Variants in ZNF438 observed in about 807,000 individuals in gnomAD.
The protein encoded by ZNF438 is zinc finger protein 438.
Under a neutral mutation model 38.0 loss-of-function variants are expected in ZNF438, and 25 were observed. The observed-to-expected ratio is 0.66, with a 90% CI of 0.48 to 0.92. The LOEUF (loss-of-function observed/expected upper bound fraction) is 0.92, where lower values mean the gene tolerates loss of function less well. Among genes scored for constraint, ZNF438 ranks in the 40% least tolerant of loss-of-function variants. The pLI is 0.00. For synonymous variants in ZNF438, 372 were observed against 364.1 expected (o/e 1.02, Z -0.25); for missense variants, 1,007 against 999.6 (o/e 1.01, Z -0.10).
At chr10:30,906,591 C>T (rs1251497219) in intron 3 of ZNF438, among the ~76,000 whole-genome samples, 1 of 152,238 alleles carries the variant, frequency 6.6e-6, no homozygotes, top group African/African-American at 2.4e-5. Flanking sequence ...TGCTTAGAAC[C>T]TCCAGTACAA....
chr10:30,981,914 C>G (rs903547005), intron 1 of ZNF438, among the ~76,000 whole-genome samples: 1 of 151,530 alleles, frequency 6.6e-6, no homozygotes, highest in African/African-American at 2.4e-5. Flanking sequence ...ACTAGCTATT[C>G]TTATTTACAC....
Position 31,010,911 on chromosome 10 carries a change from AAAAAAAAAAAAG to A in ZNF438, c.-192+20910_-192+20921del, listed in dbSNP as rs1364699162. ...CTGTTTGAAAAAAAAAAAAAAAAAAAAAAAAAAAAAAGATTTTGTTGAGAAGGACAGACAGAA... is the reference window on the plus strand; with the variant it reads ...CTGTTTGAAAAAAAAAAAAAAAAAAAATTTTGTTGAGAAGGACAGACAGAA... On this transcript the variant is annotated intron_variant, in intron 1 of 5. Transcript: ENST00000413025. Among the ~76,000 whole-genome samples, 115 of 125,356 alleles carry A rather than the reference AAAAAAAAAAAAG, an allele frequency of 9.2e-4. No homozygotes were observed. In the East Asian group the frequency reaches 0.02, roughly 22 times the overall value. The allele number at this position is 125,356 out of a possible 152,430, so 82.2% of individuals were successfully genotyped here.
chr10:30,868,526 A>G (rs566755810), intron 4 of ZNF438, among the ~76,000 whole-genome samples: 1 of 142,486 alleles, frequency 7.0e-6, no homozygotes, highest in African/African-American at 2.6e-5. Flanking sequence ...TTTAAAGACA[A>G]GAACAATATG....
At chr10:30,885,891 C>T (rs1381548026) in intron 3 of ZNF438, among the ~76,000 whole-genome samples, 1 of 152,122 alleles carries the variant, frequency 6.6e-6, no homozygotes, top group Non-Finnish European at 1.5e-5. Context: ...AGGGGAGATG[C>T]TAGCCATCTT....
chr10:30,902,019 C>T (rs2042055626), intron 3 of ZNF438, among the ~76,000 whole-genome samples: 1 of 121,014 alleles, frequency 8.3e-6, no homozygotes, highest in African/African-American at 2.7e-5. Context: ...TGCAGACCTT[C>T]GCAGTGAGTG....
At chr10:31,027,935 T>C (rs1422051313) in intron 1 of ZNF438, among the ~76,000 whole-genome samples, 16 of 152,176 alleles carry the variant, frequency 1.1e-4, no homozygotes, top group Admixed American at 1.0e-3. Flanking sequence ...TCTTACATGG[T>C]TTAAATTTGA....
chr10:30,967,283 A>G (rs1286349268), intron 1 of ZNF438, among the ~76,000 whole-genome samples: 1 of 152,212 alleles, frequency 6.6e-6, no homozygotes, highest in Non-Finnish European at 1.5e-5. Flanking sequence ...TTTTAAAACC[A>G]GAGAAAAAGG....
chr10:30,951,786 T>G (rs9417831), intron 1 of ZNF438, among the ~76,000 whole-genome samples: 20,675 of 139,080 alleles, frequency 0.15, 2,834 homozygotes, highest in Middle Eastern at 0.27. Context: ...CATGCTCATG[T>G]GTAGGAAGAA....
At chr10:31,010,797 G>A (rs371557499) in intron 1 of ZNF438, among the ~76,000 whole-genome samples, 12 of 149,904 alleles carry the variant, frequency 8.0e-5, no homozygotes, top group African/African-American at 3.0e-4. Context: ...CATGACTGAG[G>A]CAGGAGGATC....
intron 3 of ZNF438, among the ~76,000 whole-genome samples, chr10:30,903,158 C>T (rs944435991): frequency 2.0e-5 from 3 of 152,196 alleles, no homozygotes; most frequent in African/African-American, 7.2e-5. Flanking sequence ...TGCATGCAGC[C>T]CCGGTTCTGC....
intron 3 of ZNF438, among the ~76,000 whole-genome samples, chr10:30,878,249 T>C (rs549220566): frequency 6.6e-6 from 1 of 152,278 alleles, no homozygotes; most frequent in East Asian, 1.9e-4. Context: ...AAACTACCCA[T>C]GGCTTGCCCT....
At chr10:30,898,838 G>C (rs572319249) in intron 3 of ZNF438, among the ~76,000 whole-genome samples, 11 of 152,118 alleles carry the variant, frequency 7.2e-5, no homozygotes, top group African/African-American at 2.7e-4. Flanking sequence ...CAATTTAGTA[G>C]ATTGCACCTG....
chr10:30,866,050 T>C (rs1346237652), intron 4 of ZNF438, among the ~76,000 whole-genome samples: 1 of 152,188 alleles, frequency 6.6e-6, no homozygotes, highest in Non-Finnish European at 1.5e-5. Context: ...GCCCACAAAC[T>C]GTTCAAGCAG....
intron 4 of ZNF438, among the ~76,000 whole-genome samples, chr10:30,854,237 G>A (rs1026231363): frequency 3.3e-5 from 5 of 152,128 alleles, no homozygotes; most frequent in Admixed American, 6.5e-5. Context: ...GGAGAATGGC[G>A]TGAACCCGGG....
chr10:31,001,893 C>T (rs2054696475), intron 1 of ZNF438, among the ~76,000 whole-genome samples: 2 of 152,222 alleles, frequency 1.3e-5, no homozygotes, highest in African/African-American at 4.8e-5. Flanking sequence ...CTGATTCATA[C>T]ACCCATGGCT....
chr10:30,883,178 C>A (rs902364490), intron 3 of ZNF438, among the ~76,000 whole-genome samples: 1 of 152,266 alleles, frequency 6.6e-6, no homozygotes, highest in East Asian at 1.9e-4. Flanking sequence ...TAAAATAATA[C>A]TACTTTTTTG....
intron 1 of ZNF438, among the ~76,000 whole-genome samples, chr10:31,002,467 T>C (rs2054752901): frequency 1.3e-5 from 2 of 152,340 alleles, no homozygotes; most frequent in South Asian, 2.1e-4. Flanking sequence ...ATCTTTTCCT[T>C]GGTGAGTTTT....
At chr10:30,970,532 G>C (rs1430284773) in intron 1 of ZNF438, among the ~76,000 whole-genome samples, 1 of 152,154 alleles carries the variant, frequency 6.6e-6, no homozygotes, top group Admixed American at 6.5e-5. Context: ...AACTCTCTGA[G>C]AGCTATCCCA....
intron 1 of ZNF438, among the ~76,000 whole-genome samples, chr10:30,956,156 G>A (rs1007206168): frequency 1.3e-5 from 2 of 152,166 alleles, no homozygotes; most frequent in African/African-American, 4.8e-5. Flanking sequence ...CATGATTGAA[G>A]CAAGAGTGGG....
Sources: allele counts gnomAD v4.1 joint callset (sites outside exome capture counted in the v4.1 genomes callset), GRCh38; gene constraint gnomAD v4.1.1; transcripts MANE v1.5; gene names NCBI Gene and HGNC (gene_info 2026-07-23, HGNC 2026-07-21).